The following TONSL variants were observed in gnomAD, a reference collection of about 807,000 sequenced individuals.
TONSL encodes the protein tonsoku-like protein.
A neutral mutation model predicts 147.1 loss-of-function variants in TONSL; 112 were observed. The observed-to-expected ratio is 0.76, with a 90% CI of 0.65 to 0.89. The LOEUF is 0.89. TONSL is among the 40% of genes least tolerant of loss of function. The pLI, the probability that TONSL is intolerant of heterozygous loss-of-function variation, is 0.00. For synonymous variants in TONSL, 868 were observed against 801.5 expected (o/e 1.08, Z -1.40); for missense variants, 1,883 against 1,864.6 (o/e 1.01, Z -0.18).
chr8:144,438,861 A>G (rs1823586378), intron 11 of TONSL, 126 bp from the exon 12 acceptor site: 1 of 991,686 alleles, frequency 1.0e-6, no homozygotes, highest in Non-Finnish European at 1.5e-6. Flanking sequence ...CTGAGCTCTG[A>G]GGCTGCTGGG....
In TONSL at chr8:144,434,019, G is replaced by A. The variant is rs782353998; in HGVS notation, c.3346C>T (p.Arg1116Cys). ...SSNHLGPEGL[R>C]QLAMGLPGQA... ...CCTGGGAGCCCCATGGCAAGCTGGC[G>A]CAGGCCTTCGGGACCCAGGTGATTG... The change falls in exon 21 of 26, where the codon CGC becomes TGC. Residue 1116 changes from arginine to cysteine, a missense_variant. Transcript: ENST00000409379. The A allele has an allele frequency of 1.6e-5, 25 of 1,604,134 alleles. No homozygotes were observed. The highest frequency in any genetic ancestry group is 1.7e-4 in the Middle Eastern group (1 of 6,042).
intron 23 of TONSL, among the ~76,000 whole-genome samples, chr8:144,431,793 G>A (rs1183126176): frequency 2.0e-5 from 3 of 150,776 alleles, no homozygotes; most frequent in Non-Finnish European, 1.5e-5. Flanking sequence ...GATTACAGGC[G>A]TAAGCTACCA....
Position 144,435,523 on chromosome 8 carries a change from C to A in TONSL, c.2803G>T (p.Val935Phe), listed in dbSNP as rs778378476. 6.4e-7 allele frequency: 1 copy of A among 1,550,624 alleles called. No individual in the cohort carries two copies. Among genetic ancestry groups the A allele is most frequent in the African/African-American group, 1.4e-5 (1 of 73,094 alleles). Residue 935 changes from valine (V) to phenylalanine (F), a missense_variant, in exon 18 of 26, where the codon GTT becomes TTT. Val to Phe is a conservative substitution (Grantham distance 50). Coordinates refer to ENST00000409379, the MANE Select transcript of TONSL (RefSeq NM_013432.5). ...LGPAPPPPIR[V>F]RVQVQDHLFL... Reference sequence around the variant, plus strand: ...AGATGATCCTGAACTTGAACTCGAACCCGGATGGGAGGGGGCGGGGCCGGA... The same window carrying A: ...AGATGATCCTGAACTTGAACTCGAAACCGGATGGGAGGGGGCGGGGCCGGA...
rs749095426 is a variant in TONSL, at chr8:144,436,262, G to A, written c.2171C>T (p.Ala724Val). The A allele has an allele frequency of 1.3e-6, 2 of 1,529,766 alleles. No individual in the cohort carries two copies. Among genetic ancestry groups the A allele is most frequent in the Non-Finnish European group, 1.8e-6 (2 of 1,142,664 alleles). 94.8% of individuals were successfully genotyped at this position (1,529,766 alleles called of 1,614,324 possible). A position where few individuals can be genotyped will look rare whatever the true frequency, so the allele number is the denominator to read the frequency against. Residue 724 changes from alanine to valine, a missense_variant, in exon 17 of 26, where the codon GCA (alanine) becomes GTA (valine). Transcript: ENST00000409379. ...AHVRVSPGQA[A>V]PAMARPRRSR... ...CCTCCGAGGCCTGGCCATGGCTGGT[G>A]CCGCCTGCCCTGGGGAGACCCTGAC...
At position 144,435,741 on chromosome 8, in the gene TONSL, G is replaced by A; in HGVS notation, c.2692C>T (p.Leu898=). 6.2e-7 allele frequency: 1 copy of A among 1,612,734 alleles called. No homozygotes were observed. The highest frequency in any genetic ancestry group is 8.5e-7 in the Non-Finnish European group (1 of 1,179,796). The stretch of plus-strand genomic sequence containing the variant: ...GGGCTCCCTGGAGGTTCTGAAGCCA[G>A]GCTGCTGGGCCCTGCGTTAACTGGC... ...SAPVNAGPSS[L]ASEPPGSPST... is the part of the protein sequence containing the mutation. Residue 898 remains leucine (L), a synonymous_variant, in exon 17 of 26, where the codon CTG becomes TTG. Coordinates refer to ENST00000409379, the MANE Select transcript of TONSL (RefSeq NM_013432.5).
At position 144,437,036 on chromosome 8, in the gene TONSL, C is replaced by T. The variant is rs1342454139; in HGVS notation, c.1717G>A (p.Gly573Arg). 3.7e-6 allele frequency: 6 copies of T among 1,613,328 alleles called. No homozygotes were observed. Among genetic ancestry groups the T allele is most frequent in the South Asian group, 1.1e-5 (1 of 91,050 alleles). The change falls in exon 14 of 26, where the codon GGG (glycine) becomes AGG (arginine). Residue 573 changes from glycine (G) to arginine (R), a missense_variant. By Grantham distance (125) the Gly-to-Arg change is moderately radical. Transcript: ENST00000409379. Reference protein sequence around the residue: ...WTPLHEACNYGHLEIVRFLLD... With the variant: ...WTPLHEACNYRHLEIVRFLLD... ...TCTGTCCCTTGCTCACCTAGATGCC[C>T]GTAGTTGCAGGCCTCGTGCAGAGGT...
Position 144,436,338 on chromosome 8 carries a change from G to C in TONSL, c.2095C>G (p.Pro699Ala), listed in dbSNP as rs1308387486. 5 of 1,502,816 alleles carry C rather than the reference G, an allele frequency of 3.3e-6. No homozygotes were observed. Among genetic ancestry groups the C allele is most frequent in the Middle Eastern group, 1.8e-4 (1 of 5,612 alleles). 93.1% of individuals were successfully genotyped at this position (1,502,816 alleles called of 1,614,324 possible). A position where few individuals can be genotyped will look rare whatever the true frequency, so the allele number is the denominator to read the frequency against. Residue 699 changes from proline (P) to alanine (A), a missense_variant, in exon 17 of 26, where the codon CCA becomes GCA. Physicochemically the swap from Pro to Ala is conservative, Grantham distance 27 (BLOSUM62 -1). Coordinates refer to ENST00000409379, the MANE Select transcript of TONSL (RefSeq NM_013432.5). ...CTAGTGCTATTAGAGGGGGGTTCTG[G>C]GCAGGGGCTCAAAGGAGGAGAGGTC... is the stretch of plus-strand genomic sequence containing the variant. Reference protein sequence around the residue: ...PETSPPLSPCPEPPSNSTRLP... With the variant: ...PETSPPLSPCAEPPSNSTRLP...
intron 11 of TONSL, 146 bp from the exon 12 acceptor site, chr8:144,438,881 C>T (rs1188917817): frequency 5.0e-6 from 4 of 804,434 alleles, no homozygotes; most frequent in Non-Finnish European, 8.1e-6. Context: ...GCTCTGGGGG[C>T]TCCTCAGCAA....
chr8:144,433,517 C>T (rs1823306372), intron 22 of TONSL, 71 bp downstream of exon 22: 4 of 1,500,378 alleles, frequency 2.7e-6, no homozygotes, highest in Non-Finnish European at 3.6e-6. Flanking sequence ...GCCTGGGCCC[C>T]CTCTGAAAGT....
intron 7 of TONSL, chr8:144,441,729 G>C: frequency 2.9e-6 from 1 of 344,604 alleles, no homozygotes; most frequent in Non-Finnish European, 5.4e-6. Flanking sequence ...GGGAGGCTAG[G>C]GGTACAACTA....
In TONSL at chr8:144,442,268, C is replaced by G. The variant is rs1823749125; in HGVS notation, c.723G>C (p.Glu241Asp). ...CAHTMRKRFM[E>D]SECCVVIAQV... ...GTGCAATAACCACGCAGCACTCGCTCTCCATGAACCGCTTCCTCATGGTGT... is the reference window on the plus strand; with the variant it reads ...GTGCAATAACCACGCAGCACTCGCTGTCCATGAACCGCTTCCTCATGGTGT... The change falls in exon 6 of 26, where the codon GAG (glutamate) becomes GAC (aspartate). Residue 241 changes from glutamate (E) to aspartate (D), a missense_variant. Physicochemically the swap from Glu to Asp is conservative, Grantham distance 45 (BLOSUM62 2). Coordinates refer to ENST00000409379, the MANE Select transcript of TONSL (RefSeq NM_013432.5). 6.3e-7 allele frequency: 1 copy of G among 1,593,198 alleles called. No individual in the cohort carries two copies. The highest frequency in any genetic ancestry group is 8.6e-7 in the Non-Finnish European group (1 of 1,165,882).
chr8:144,437,140 C>A, intron 13 of TONSL, 41 bp from the exon 14 acceptor site: 1 of 1,593,298 alleles, frequency 6.3e-7, no homozygotes, highest in South Asian at 1.1e-5. Context: ...CTGTGTACCT[C>A]ACAGCCTGGC....
At chr8:144,441,243 T>A (rs2129686566) in intron 7 of TONSL, 132 bp from the exon 8 acceptor site, 2 of 1,296,174 alleles carry the variant, frequency 1.5e-6, no homozygotes, top group South Asian at 1.4e-5. Context: ...GGTGTGGGGG[T>A]TAATAGCAGG....
rs970314077 is a variant in TONSL, at chr8:144,438,304, G to A, written c.1653+167C>T. 7.6e-6 allele frequency: 5 copies of A among 654,918 alleles called. No homozygotes were observed. In the African/African-American group the frequency reaches 9.0e-5, roughly 12 times the overall value. The allele number at this position is 654,918 out of a possible 1,614,324, so 40.6% of individuals were successfully genotyped here. ...GCAGCCTCAATCTCCCTCCCAGGAT[G>A]AAGTGATCCTCCTGCCTCTAGGACC... On this transcript the variant is annotated intron_variant, in intron 13 of 25. Coordinates refer to ENST00000409379, the MANE Select transcript of TONSL (RefSeq NM_013432.5).
At position 144,441,363 on chromosome 8, in the gene TONSL, C is replaced by T. The variant is rs183185569; in HGVS notation, c.866-252G>A. 132 of 476,856 alleles carry T rather than the reference C, an allele frequency of 2.8e-4. 3 individuals carry two copies. The South Asian group carries it at 3.0e-3, about 11-fold the overall frequency. 29.5% of individuals were successfully genotyped at this position (476,856 alleles called of 1,614,324 possible). A position where few individuals can be genotyped will look rare whatever the true frequency, so the allele number is the denominator to read the frequency against. ...ATCCTAGGACTTTGGGAGGCCGAGG[C>T]GGGCAGATCATGAGGTCAGGAGATC... On this transcript the variant is annotated intron_variant, in intron 7 of 25. Coordinates refer to ENST00000409379, the MANE Select transcript of TONSL (RefSeq NM_013432.5).
At chr8:144,441,869 A>G in intron 7 of TONSL, 168 bp downstream of exon 7, 4 of 591,934 alleles carry the variant, frequency 6.8e-6, no homozygotes, top group Non-Finnish European at 1.2e-5. Context: ...TCCTGTCAGG[A>G]AGTAGGGGTA....
chr8:144,440,554 C>T, intron 9 of TONSL, 78 bp from the exon 10 acceptor site: 1 of 1,530,190 alleles, frequency 6.5e-7, no homozygotes, highest in Non-Finnish European at 8.8e-7. Context: ...TCCCCGGCTG[C>T]CCAGACGAAA....
chr8:144,440,548 C>A, intron 9 of TONSL, 72 bp from the exon 10 acceptor site: 1 of 1,533,840 alleles, frequency 6.5e-7, no homozygotes. Flanking sequence ...CAAGCTTCCC[C>A]GGCTGCCCAG....
At position 144,440,080 on chromosome 8, in the gene TONSL, G is replaced by T. The variant is rs1302271081; in HGVS notation, c.1421C>A (p.Ala474Glu). ...DEDEEEEAEEAAATAESEALE... is the reference protein window; with the variant it reads ...DEDEEEEAEEEAATAESEALE... Reference sequence around the variant, plus strand: ...GGCTTCGCTCTCCGCTGTGGCTGCCGCCTCCTCCGCCTCCTCCTCCTCATC... The same window carrying T: ...GGCTTCGCTCTCCGCTGTGGCTGCCTCCTCCTCCGCCTCCTCCTCCTCATC... The change falls in exon 11 of 26, where the codon GCG (alanine) becomes GAG (glutamate). Residue 474 changes from alanine to glutamate, a missense_variant. By Grantham distance (107) the Ala-to-Glu change is moderately radical. Transcript: ENST00000409379. The T allele has an allele frequency of 6.3e-7, 1 of 1,597,312 alleles. No individual in the cohort carries two copies.
Sources: gnomAD v4.1 joint callset for allele counts (sites outside exome capture counted in the v4.1 genomes callset) on GRCh38, gnomAD v4.1.1 for gene constraint, MANE v1.5 for transcripts, NCBI Gene and HGNC (gene_info 2026-07-23, HGNC 2026-07-21) for gene names.